MAML2: variants seen among roughly 807,000 people sequenced by gnomAD.
The protein encoded by MAML2 is mastermind-like protein 2.
A neutral mutation model predicts 96.1 loss-of-function variants in MAML2; 22 were observed. The ratio of observed to expected loss-of-function variants is 0.23; its 90% CI spans 0.16 to 0.33. The LOEUF is 0.33. Among genes scored for constraint, MAML2 ranks in the 10% least tolerant of loss-of-function variants. The pLI is 1.00. For synonymous variants in MAML2, 561 were observed against 521.3 expected, an observed-to-expected ratio of 1.08 and a Z score of -1.04; for missense variants, 1,367 against 1,392.4, an observed-to-expected ratio of 0.98 and a Z score of 0.29.
chr11:96,151,517 G>A (rs568652376), intron 1 of MAML2, among the ~76,000 whole-genome samples: 45 of 152,340 alleles, frequency 3.0e-4, no homozygotes, highest in African/African-American at 9.6e-4. Context: ...GTAATTCTCA[G>A]TATTGGAGGT....
At chr11:96,022,974 T>TA (rs1050039790) in intron 2 of MAML2, among the ~76,000 whole-genome samples, 2 of 152,082 alleles carry the variant, frequency 1.3e-5, no homozygotes, top group Non-Finnish European at 2.9e-5. Context: ...TGTCACATTA[T>TA]AAAAAAATGA....
At chr11:96,135,871 A>T (rs1015952135) in intron 1 of MAML2, among the ~76,000 whole-genome samples, 1 of 152,038 alleles carries the variant, frequency 6.6e-6, no homozygotes, top group Non-Finnish European at 1.5e-5. Flanking sequence ...TCAAAAAAAA[A>T]AAAAAAAATT....
intron 1 of MAML2, among the ~76,000 whole-genome samples, chr11:96,224,057 T>C (rs761984265): frequency 2.0e-5 from 3 of 152,210 alleles, no homozygotes; most frequent in Non-Finnish European, 4.4e-5. Context: ...TAGATCTGAC[T>C]TGTCATTCTG....
At chr11:96,266,768 A>G (rs115841362) in intron 1 of MAML2, among the ~76,000 whole-genome samples, 55 of 152,308 alleles carry the variant, frequency 3.6e-4, no homozygotes, top group African/African-American at 1.3e-3. Flanking sequence ...TTCCTGTGCT[A>G]TGACAGGCTT....
chr11:96,212,690 G>A (rs1406404608), intron 1 of MAML2, among the ~76,000 whole-genome samples: 3 of 152,066 alleles, frequency 2.0e-5, no homozygotes, highest in Non-Finnish European at 4.4e-5. Context: ...TGATAGAGAC[G>A]GCAGAAGAGA....
chr11:96,000,920 G>A (rs1206517113), intron 2 of MAML2, among the ~76,000 whole-genome samples: 1 of 152,162 alleles, frequency 6.6e-6, no homozygotes, highest in East Asian at 1.9e-4. Flanking sequence ...GTTGGGTGGT[G>A]GAGATGAAGG....
chr11:96,054,262 G>A (rs920605443), intron 2 of MAML2, among the ~76,000 whole-genome samples: 6 of 152,180 alleles, frequency 3.9e-5, no homozygotes, highest in Admixed American at 3.9e-4. Context: ...GGGGAATGCT[G>A]TTTATGGATA....
At chr11:96,022,956 C>T (rs1482902163) in intron 2 of MAML2, among the ~76,000 whole-genome samples, 1 of 152,162 alleles carries the variant, frequency 6.6e-6, no homozygotes, top group Non-Finnish European at 1.5e-5. Flanking sequence ...TAAATAGAAC[C>T]AGGCAATTGT....
At chr11:96,220,326 T>A (rs1342431715) in intron 1 of MAML2, among the ~76,000 whole-genome samples, 1 of 152,190 alleles carries the variant, frequency 6.6e-6, no homozygotes, top group Admixed American at 6.5e-5. Context: ...TGCCTTGTGC[T>A]CTGCTTGGGA....
At chr11:96,065,944 G>A (rs1859237525) in intron 2 of MAML2, among the ~76,000 whole-genome samples, 1 of 152,072 alleles carries the variant, frequency 6.6e-6, no homozygotes, top group African/African-American at 2.4e-5. Context: ...TAGGAAACTG[G>A]TTAGGTTGGG....
intron 1 of MAML2, among the ~76,000 whole-genome samples, chr11:96,324,463 G>A (rs932234017): frequency 1.3e-5 from 2 of 152,118 alleles, no homozygotes; most frequent in Non-Finnish European, 2.9e-5. Flanking sequence ...TTCAGCCACA[G>A]AAATATAAAG....
chr11:96,308,671 A>G (rs187807381), intron 1 of MAML2, among the ~76,000 whole-genome samples: 1 of 152,318 alleles, frequency 6.6e-6, no homozygotes, highest in African/African-American at 2.4e-5. Context: ...ATCCATGGCT[A>G]CTTCCTACTT....
At position 96,342,354 on chromosome 11, in the gene MAML2, T is replaced by C. The variant is rs561784396; in HGVS notation, c.-459A>G. On this transcript the variant is annotated 5_prime_UTR_variant, in exon 1 of 5. Coordinates refer to ENST00000524717, the MANE Select transcript of MAML2 (RefSeq NM_032427.4). ...ATAGAGAGGACTCCCCCTCACCTAG[T>C]TGTTTCCGACAATTCTTTATGGGGA... 3 of 400,036 alleles carry C rather than the reference T, an allele frequency of 7.5e-6. No homozygotes were observed. The highest frequency in any genetic ancestry group is 3.6e-5 in the East Asian group (1 of 28,100). 24.8% of individuals were successfully genotyped at this position (400,036 alleles called of 1,614,324 possible). A position where few individuals can be genotyped will look rare whatever the true frequency, so the allele number is the denominator to read the frequency against.
chr11:96,074,586 A>G (rs1590996032), intron 2 of MAML2, among the ~76,000 whole-genome samples: 1 of 152,344 alleles, frequency 6.6e-6, no homozygotes, highest in Admixed American at 6.5e-5. Flanking sequence ...GGCGGCGCAA[A>G]GCCACCTGAA....
intron 1 of MAML2, among the ~76,000 whole-genome samples, chr11:96,138,719 G>T (rs147871417): frequency 6.6e-6 from 1 of 151,990 alleles, no homozygotes; most frequent in Admixed American, 6.6e-5. Flanking sequence ...AAGCACCTCC[G>T]AGACATAGTC....
chr11:96,148,096 G>C (rs1008026103), intron 1 of MAML2, among the ~76,000 whole-genome samples: 1 of 152,186 alleles, frequency 6.6e-6, no homozygotes, highest in African/African-American at 2.4e-5. Context: ...TACACGACGA[G>C]CACACCTCAT....
chr11:96,337,841 T>C (rs1056312409), intron 1 of MAML2, among the ~76,000 whole-genome samples: 2 of 152,228 alleles, frequency 1.3e-5, no homozygotes, highest in African/African-American at 2.4e-5. Context: ...CTAAAGCTTG[T>C]TCAGAAAAAC....
intron 2 of MAML2, among the ~76,000 whole-genome samples, chr11:96,055,434 A>T (rs766250209): frequency 6.6e-6 from 1 of 152,210 alleles, no homozygotes; most frequent in Non-Finnish European, 1.5e-5. Flanking sequence ...CAGGGGGGAA[A>T]AAAAAGAGCC....
chr11:96,218,160 A>C (rs1862077427), intron 1 of MAML2, among the ~76,000 whole-genome samples: 1 of 152,202 alleles, frequency 6.6e-6, no homozygotes, highest in South Asian at 2.1e-4. Context: ...GCACTAGAAA[A>C]AACGTTTGGT....
Sources: gnomAD v4.1 joint callset for allele counts (sites outside exome capture counted in the v4.1 genomes callset) on GRCh38, gnomAD v4.1.1 for gene constraint, MANE v1.5 for transcripts, NCBI Gene and HGNC (gene_info 2026-07-23, HGNC 2026-07-21) for gene names.